SPDYE14: variants seen among roughly 807,000 people sequenced by gnomAD.
SPDYE14 encodes the protein speedy/RINGO cell cycle regulator family member E14, also known as speedy protein E14.
At chr7:75,237,785 G>T in the SPDYE14 span, 1 of 114,492 alleles carries the variant, frequency 8.7e-6, no homozygotes, top group African/African-American at 2.5e-5. Context: ...TCCGCCTGGG[G>T]GGGCTCCCCC....
chr7:75,265,072 T>G, the SPDYE14 span, among the ~76,000 whole-genome samples: 1 of 32,462 alleles, frequency 3.1e-5, no homozygotes, highest in South Asian at 1.4e-3. Flanking sequence ...CCCCTTCCCC[T>G]TCCTCTCCCC....
chr7:75,300,561 A>T, the SPDYE14 span, among the ~76,000 whole-genome samples: 1 of 9,162 alleles, frequency 1.1e-4, no homozygotes, highest in South Asian at 3.6e-3. Context: ...TGAAGCTGCC[A>T]GCTGCTGTCT....
chr7:75,257,266 TTGAATGAA>T, the SPDYE14 span, among the ~76,000 whole-genome samples: 15 of 112,878 alleles, frequency 1.3e-4, 2 homozygotes, highest in Admixed American at 1.8e-4. Flanking sequence ...GAAGTATCTG[TTGAATGAA>T]TGAATGAATG....
chr7:75,237,662 G>GCGGCGCC, the SPDYE14 span: 2 of 90,964 alleles, frequency 2.2e-5, no homozygotes, highest in African/African-American at 6.3e-5. Flanking sequence ...GCAGCGGCGC[G>GCGGCGCC]CGGCGCCCGG....
the SPDYE14 span, among the ~76,000 whole-genome samples, chr7:75,262,218 AAACT>A: frequency 3.0e-3 from 166 of 54,480 alleles, no homozygotes; most frequent in Middle Eastern, 0.037. Context: ...AAACTAAACT[AAACT>A]AACTAAATAA....
chr7:75,247,075 C>CT, the SPDYE14 span, among the ~76,000 whole-genome samples: 1 of 34,016 alleles, frequency 2.9e-5, no homozygotes, highest in Non-Finnish European at 7.2e-5. Flanking sequence ...GCTTATGCCT[C>CT]TAAGCACGGT....
the SPDYE14 span, among the ~76,000 whole-genome samples, chr7:75,265,191 CA>C: frequency 4.1e-5 from 3 of 72,844 alleles, no homozygotes; most frequent in South Asian, 1.5e-3. Flanking sequence ...CCTTGGCCTC[CA>C]AGGTTCAAGT....
chr7:75,272,965 T>C, the SPDYE14 span, among the ~76,000 whole-genome samples: 6 of 56,378 alleles, frequency 1.1e-4, 1 homozygote, highest in African/African-American at 2.5e-4. Context: ...TGGGGCCTGG[T>C]AGGAGGTGAT....
At chr7:75,278,942 CAAAA>C in the SPDYE14 span, among the ~76,000 whole-genome samples, 2 of 41,472 alleles carry the variant, frequency 4.8e-5, no homozygotes, top group South Asian at 7.3e-4. Flanking sequence ...ACTCTGTTTC[CAAAA>C]AAAAAAAAAA....
the SPDYE14 span, among the ~76,000 whole-genome samples, chr7:75,241,680 A>AAAT: frequency 3.0e-4 from 6 of 19,750 alleles, 1 homozygote; most frequent in African/African-American, 6.2e-4. Context: ...AAAAAAAAAA[A>AAAT]ATATATATAT....
the SPDYE14 span, among the ~76,000 whole-genome samples, chr7:75,273,768 TA>T: frequency 3.5e-5 from 2 of 57,492 alleles, 1 homozygote; most frequent in Non-Finnish European, 9.0e-5. Flanking sequence ...CATTGGGAGT[TA>T]GGAGTTTGAC....
chr7:75,244,166 C>T, the SPDYE14 span, among the ~76,000 whole-genome samples: 6 of 48,196 alleles, frequency 1.2e-4, 2 homozygotes, highest in South Asian at 2.1e-3. Context: ...GGCGCCATCT[C>T]GGCTCACTGC....
chr7:75,251,510 CTGTG>C, the SPDYE14 span, among the ~76,000 whole-genome samples: 9 of 55,502 alleles, frequency 1.6e-4, no homozygotes, highest in African/African-American at 3.6e-4. Flanking sequence ...CTAATTTTGT[CTGTG>C]TGTGTGTGTG....
the SPDYE14 span, among the ~76,000 whole-genome samples, chr7:75,262,370 A>AT: frequency 0.058 from 3,604 of 62,494 alleles, 278 homozygotes; most frequent in African/African-American, 0.12. Context: ...TGGTTAGTTG[A>AT]TTTTTTTTTT....
the SPDYE14 span, among the ~76,000 whole-genome samples, chr7:75,247,639 G>A: frequency 8.5e-5 from 2 of 23,414 alleles, no homozygotes; most frequent in African/African-American, 1.6e-4. Flanking sequence ...CCAGGCTGGA[G>A]TGCCGTAGCA....
At chr7:75,276,379 G>C in the SPDYE14 span, among the ~76,000 whole-genome samples, 1 of 18,882 alleles carries the variant, frequency 5.3e-5, no homozygotes, top group Non-Finnish European at 1.3e-4. Flanking sequence ...CTGGGCGACA[G>C]AGCAAGACTC....
the SPDYE14 span, among the ~76,000 whole-genome samples, chr7:75,279,791 C>T: frequency 4.4e-4 from 24 of 54,192 alleles, 9 homozygotes; most frequent in Non-Finnish European, 1.1e-3. Flanking sequence ...ACCATGTTGG[C>T]CAGGCTGCTC....
chr7:75,273,344 C>T, the SPDYE14 span, among the ~76,000 whole-genome samples: 2 of 60,758 alleles, frequency 3.3e-5, 1 homozygote, highest in Non-Finnish European at 8.6e-5. Context: ...CGAGACCAGC[C>T]TGGGCAACAT....
At chr7:75,272,928 T>C in the SPDYE14 span, among the ~76,000 whole-genome samples, 1 of 52,200 alleles carries the variant, frequency 1.9e-5, no homozygotes, top group Non-Finnish European at 5.0e-5. Context: ...AGGTTTCATG[T>C]CAAATTGTAA....
Sources: allele counts gnomAD v4.1 joint callset (sites outside exome capture counted in the v4.1 genomes callset), GRCh38; gene constraint gnomAD v4.1.1; transcripts MANE v1.5; gene names NCBI Gene and HGNC (gene_info 2026-07-23, HGNC 2026-07-21).